STAC2: variants seen among roughly 807,000 people sequenced by gnomAD.
The protein encoded by STAC2 is SH3 and cysteine-rich domain-containing protein 2.
In STAC2, 36 loss-of-function variants were observed where a neutral mutation model predicts 49.0. The ratio of observed to expected loss-of-function variants is 0.74; its 90% confidence interval spans 0.56 to 0.97. The LOEUF (loss-of-function observed/expected upper bound fraction) is 0.97, where lower values mean the gene tolerates loss of function less well. Among genes scored for constraint, STAC2 ranks in the 50% least tolerant of loss-of-function variants. STAC2 has a pLI of 0.00. For synonymous variants in STAC2, 239 were observed against 214.7 expected (o/e 1.11, Z -0.99); for missense variants, 527 against 543.8 (o/e 0.97, Z 0.31).
rs2046419143 is a variant in STAC2, at chr17:39,217,803, G to A, written c.397+64C>T. 3.3e-6 allele frequency: 5 copies of A among 1,500,030 alleles called. No homozygotes were observed. The Admixed American group carries it at 8.3e-5, about 25-fold the overall frequency. 92.9% of individuals were successfully genotyped at this position (1,500,030 alleles called of 1,614,324 possible). ...AGCCCAATAATATTGGGCGCAACAT[G>A]AGCCCACTCCCCAGTACCCACGCTG... On this transcript the variant is annotated intron_variant, in intron 2 of 10. Transcript: ENST00000333461.
chr17:39,218,378 C>T (rs1316277263), intron 1 of STAC2, among the ~76,000 whole-genome samples: 1 of 152,164 alleles, frequency 6.6e-6, no homozygotes, highest in Admixed American at 6.5e-5. Context: ...CCACAAAAGC[C>T]AGGTGGTTGA....
At chr17:39,213,586 A>G (rs1384458240) in intron 8 of STAC2, 28 bp from the exon 9 acceptor site, 2 of 1,607,926 alleles carry the variant, frequency 1.2e-6, no homozygotes, top group Non-Finnish European at 1.7e-6. Context: ...AGGGTTGCAT[A>G]TGGAGCAGGG....
At chr17:39,217,012 C>T in intron 3 of STAC2, 64 bp downstream of exon 3, 1 of 1,605,880 alleles carries the variant, frequency 6.2e-7, no homozygotes, top group East Asian at 2.2e-5. Flanking sequence ...GAGGGATACT[C>T]ATTCTCCCAT....
rs372008147 is a variant in STAC2 at position 39,220,663 on chromosome 17, G to A, written c.91-2490C>T. On this transcript the variant is annotated intron_variant, in intron 1 of 10. Transcript: ENST00000333461. Reference sequence around the variant, plus strand: ...CTAATTTTGTATTTTTAATAGAGGCGGGGTTTCACTGTGTTAGCCATGATG... The same window carrying A: ...CTAATTTTGTATTTTTAATAGAGGCAGGGTTTCACTGTGTTAGCCATGATG... Among the ~76,000 whole-genome samples the A allele has an allele frequency of 1.2e-4, 18 of 152,068 alleles. No homozygotes were observed. The South Asian group carries it at 2.7e-3, about 23-fold the overall frequency.
chr17:39,217,595 T>C (rs1367247016), intron 2 of STAC2, among the ~76,000 whole-genome samples: 2 of 152,090 alleles, frequency 1.3e-5, no homozygotes, highest in Non-Finnish European at 2.9e-5. Context: ...TGGTAGTGTG[T>C]GCCTGCAGTC....
At position 39,225,316 on chromosome 17, in the gene STAC2, ACCGCGACC is replaced by A; in HGVS notation, c.90+89_90+96del. On this transcript the variant is annotated intron_variant, in intron 1 of 10. Coordinates refer to ENST00000333461, the MANE Select transcript of STAC2 (RefSeq NM_198993.5). This position sits in a 1 kb window ranked among gnomAD's most constrained non-coding sequence, Gnocchi z 8.2. ...CCTCAGTGGTCACGCGGGCCTCGCG[ACCGCGACC>A]CTAGGACGCCCGGGCCCACAGGAGG... 1 of 1,064,260 alleles carries A rather than the reference ACCGCGACC, an allele frequency of 9.4e-7. No homozygotes were observed. Among genetic ancestry groups the A allele is most frequent in the Non-Finnish European group, 1.3e-6 (1 of 772,030 alleles). 65.9% of individuals were successfully genotyped at this position (1,064,260 alleles called of 1,614,324 possible).
intron 1 of STAC2, among the ~76,000 whole-genome samples, chr17:39,222,105 C>G (rs1022489717): frequency 1.3e-5 from 2 of 152,206 alleles, no homozygotes; most frequent in Non-Finnish European, 2.9e-5. Context: ...GAAAGGGCTA[C>G]TCCCTCTCAT....
At position 39,212,193 on chromosome 17, in the gene STAC2, G is replaced by A; in HGVS notation, c.*99C>T. The A allele has an allele frequency of 1.3e-6, 1 of 794,826 alleles. No individual in the cohort carries two copies. The highest frequency in any genetic ancestry group is 2.1e-6 in the Non-Finnish European group (1 of 486,898). The allele number at this position is 794,826 out of a possible 1,614,324, so 49.2% of individuals were successfully genotyped here. On this transcript the variant is annotated 3_prime_UTR_variant, in exon 11 of 11. Coordinates refer to ENST00000333461, the MANE Select transcript of STAC2 (RefSeq NM_198993.5). ...GGCACCTAGGAGAGGGACAGAGGGA[G>A]GAAGGGTATGGAGTGGACAAGGGGG...
Position 39,215,211 on chromosome 17 carries a change from G to C in STAC2, c.606C>G (p.Asp202Glu). ...CATAGCGCAGGGTCTCGTAGACAGG[G>C]TCCACCTTCCCACTGTCCCCTGCAG... ...SPPTGDSGKVDPVYETLRYGT... is the reference protein window; with the variant it reads ...SPPTGDSGKVEPVYETLRYGT... The change falls in exon 5 of 11, where the codon GAC (aspartate) becomes GAG (glutamate). Residue 202 changes from aspartate to glutamate, a missense_variant. Asp to Glu is a conservative substitution (Grantham distance 45). Coordinates refer to ENST00000333461, the MANE Select transcript of STAC2 (RefSeq NM_198993.5). 6.2e-7 allele frequency: 1 copy of C among 1,614,012 alleles called. No homozygotes were observed. Among genetic ancestry groups the C allele is most frequent in the Non-Finnish European group, 8.5e-7 (1 of 1,180,000 alleles).
At chr17:39,215,567 G>T (rs1402125589) in intron 4 of STAC2, among the ~76,000 whole-genome samples, 1 of 152,092 alleles carries the variant, frequency 6.6e-6, no homozygotes, top group African/African-American at 2.4e-5. Context: ...CTTTCAACTG[G>T]TCTCCCTGCT....
intron 9 of STAC2, 137 bp downstream of exon 9, chr17:39,213,370 T>C: frequency 8.1e-7 from 1 of 1,240,994 alleles, no homozygotes; most frequent in Non-Finnish European, 1.1e-6. Context: ...GGGTTGGTCC[T>C]AGTTTTGGCT....
At chr17:39,215,323 G>T in intron 4 of STAC2, 93 bp from the exon 5 acceptor site, 1 of 1,307,018 alleles carries the variant, frequency 7.7e-7, no homozygotes, top group Non-Finnish European at 1.1e-6. Flanking sequence ...CTTCCCAGCT[G>T]CCCCCTCACC....
In STAC2 at chr17:39,217,075, C is replaced by T. The variant is rs1319787745; in HGVS notation, c.495+1G>A. The stretch of plus-strand genomic sequence containing the variant: ...CCATCTCTGCCTGGGTCCCCGCTCA[C>T]CGTCTTGCCTGGGCATTGCTGGTGG... On this transcript the variant is annotated splice_donor_variant, in intron 3 of 10. Transcript: ENST00000333461. LOFTEE classifies it high-confidence loss of function. 2 of 1,613,746 alleles carry T rather than the reference C, an allele frequency of 1.2e-6. No individual in the cohort carries two copies. Among genetic ancestry groups the T allele is most frequent in the African/African-American group, 1.3e-5 (1 of 74,930 alleles).
intron 7 of STAC2, 88 bp from the exon 8 acceptor site, chr17:39,214,418 G>A: frequency 6.3e-7 from 1 of 1,581,920 alleles, no homozygotes. Flanking sequence ...TACCCTGGGG[G>A]CTGTGAGGGG....
Position 39,225,855 on chromosome 17 carries a change from G to A in STAC2, c.-353C>T, listed in dbSNP as rs1164809061. 2 of 253,712 alleles carry A rather than the reference G, an allele frequency of 7.9e-6. No individual in the cohort carries two copies. Among genetic ancestry groups the A allele is most frequent in the Non-Finnish European group, 1.5e-5 (2 of 131,066 alleles). The allele number at this position is 253,712 out of a possible 1,614,324, so 15.7% of individuals were successfully genotyped here. On this transcript the variant is annotated 5_prime_UTR_variant, in exon 1 of 11. Transcript: ENST00000333461. The surrounding 1 kb of genome is among the most constrained non-coding windows in gnomAD (Gnocchi z 8.2). The stretch of plus-strand genomic sequence containing the variant: ...CCGTGTCCAGCCGGCTCCGCCGTCC[G>A]CTGCGCCCGCCCCCCATCCCCTCCC...
At chr17:39,222,616 A>G (rs1357010675) in intron 1 of STAC2, among the ~76,000 whole-genome samples, 1 of 151,950 alleles carries the variant, frequency 6.6e-6, no homozygotes, top group Admixed American at 6.6e-5. Context: ...TCTCCCCACT[A>G]TACTTTTGGT....
chr17:39,214,662 C>G, intron 7 of STAC2, 129 bp downstream of exon 7: 3 of 1,246,602 alleles, frequency 2.4e-6, no homozygotes, highest in Non-Finnish European at 3.3e-6. Flanking sequence ...ATTGCCCATC[C>G]CTGAGGATAA....
intron 8 of STAC2, 49 bp from the exon 9 acceptor site, chr17:39,213,607 C>T: frequency 6.2e-7 from 1 of 1,603,480 alleles, no homozygotes; most frequent in Non-Finnish European, 8.5e-7. Context: ...AGTAGTGCCC[C>T]TCCCCATCCT....
Position 39,225,702 on chromosome 17 carries a change from G to C in STAC2, c.-200C>G. 1 of 604,938 alleles carries C rather than the reference G, an allele frequency of 1.7e-6. No individual in the cohort carries two copies. The highest frequency in any genetic ancestry group is 1.9e-5 in the South Asian group (1 of 52,414). 37.5% of individuals were successfully genotyped at this position (604,938 alleles called of 1,614,324 possible). ...GTGGCGGGCGAGGGGAGGCCACCACGCTGAGCCGCAGGAGCGGGACGACCC... is the reference window on the plus strand; with the variant it reads ...GTGGCGGGCGAGGGGAGGCCACCACCCTGAGCCGCAGGAGCGGGACGACCC... On this transcript the variant is annotated 5_prime_UTR_variant, in exon 1 of 11. Transcript: ENST00000333461. This position sits in a 1 kb window ranked among gnomAD's most constrained non-coding sequence, Gnocchi z 8.2.
Sources: allele counts gnomAD v4.1 joint callset (sites outside exome capture counted in the v4.1 genomes callset), GRCh38; gene constraint gnomAD v4.1.1; non-coding constraint Gnocchi (gnomAD v3.1); transcripts MANE v1.5; gene names NCBI Gene and HGNC (gene_info 2026-07-23, HGNC 2026-07-21).